Variants in DND1 observed in about 807,000 individuals in gnomAD.
DND1 encodes the protein dead end protein homolog 1.
DND1 carries 6 observed loss-of-function variants against 30.4 expected under a neutral mutation model. The ratio of observed to expected loss-of-function variants is 0.20; its 90% CI spans 0.11 to 0.39. The LOEUF is 0.39. DND1 is among the 10% of genes least tolerant of loss of function. The pLI is 1.00. For synonymous variants in DND1, 178 were observed against 210.4 expected (o/e 0.85, Z 1.33); for missense variants, 358 against 474.9 (o/e 0.75, Z 2.29).
chr5:140,671,882 G>T (rs2149815251), intron 3 of DND1, 132 bp from the exon 4 acceptor site: 2 of 1,030,520 alleles, frequency 1.9e-6, no homozygotes, highest in South Asian at 1.4e-5. Flanking sequence ...CCATGGGTAA[G>T]AAAAGACAAT....
In DND1 at chr5:140,671,491, G is replaced by A. The variant is rs542752474; in HGVS notation, c.864C>T (p.Phe288=). 1.1e-4 allele frequency: 172 copies of A among 1,598,854 alleles called. No homozygotes were observed. The Middle Eastern group carries it at 1.8e-3, about 17-fold the overall frequency. ...LGIGPAGWHR[F]WYQVVIPGHP... is the part of the protein sequence containing the mutation. Reference sequence around the variant, plus strand: ...GCCCAGGAATCACCACCTGGTACCAGAAGCGGTGCCAGCCAGCAGGTCCTA... The same window carrying A: ...GCCCAGGAATCACCACCTGGTACCAAAAGCGGTGCCAGCCAGCAGGTCCTA... Residue 288 remains phenylalanine (F), a synonymous_variant, in exon 4 of 4, where the codon TTC becomes TTT. Transcript: ENST00000542735.
rs1396724886 is a variant in DND1, at chr5:140,673,557, C to T, written c.-15G>A. The T allele has an allele frequency of 5.1e-6, 8 of 1,565,186 alleles. No homozygotes were observed. The highest frequency in any genetic ancestry group is 1.7e-4 in the Middle Eastern group (1 of 6,012). ...TTGGACTGCATGGCTCTCCAGCTGG[C>T]CCCCTCGTACCCTCTTTATAACTTC... On this transcript the variant is annotated 5_prime_UTR_variant, in exon 1 of 4. Coordinates refer to ENST00000542735, the MANE Select transcript of DND1 (RefSeq NM_194249.3).
Position 140,672,456 on chromosome 5 carries a change from G to A in DND1, c.593C>T (p.Ala198Val), listed in dbSNP as rs1377815913. 1.4e-5 allele frequency: 22 copies of A among 1,602,908 alleles called. No homozygotes were observed. Among genetic ancestry groups the A allele is most frequent in the Non-Finnish European group, 1.7e-5 (20 of 1,176,480 alleles). ...SHRAAAMAKK[A>V]LVEGQSHLCG... ...CCGCCCCAGCCTACCTTCCACCAGG[G>A]CCTTTTTGGCCATGGCAGCGGCCCG... is the stretch of plus-strand genomic sequence containing the variant. Residue 198 changes from alanine (A) to valine (V), a missense_variant, in exon 3 of 4, where the codon GCC (alanine) becomes GTC (valine). Physicochemically the swap from Ala to Val is moderately conservative, Grantham distance 64. Coordinates refer to ENST00000542735, the MANE Select transcript of DND1 (RefSeq NM_194249.3).
At chr5:140,672,974 C>A (rs1322315618) in intron 2 of DND1, 68 bp from the exon 3 acceptor site, 1 of 1,494,018 alleles carries the variant, frequency 6.7e-7, no homozygotes, top group Non-Finnish European at 9.0e-7. Flanking sequence ...ACGGACCCAG[C>A]GCGCGGGGGT....
chr5:140,672,794 G>A lies in DND1; in HGVS notation c.255C>T (p.Tyr85=), dbSNP rs1254331480. The A allele has an allele frequency of 7.0e-6, 11 of 1,581,016 alleles. No individual in the cohort carries two copies. The East Asian group carries it at 1.1e-4, about 16-fold the overall frequency. The change falls in exon 3 of 4, where the codon TAC becomes TAT. Residue 85 remains tyrosine, a synonymous_variant. Transcript: ENST00000542735. ...TGAAGGTCATCATCAGGCGGAACTC[G>A]TAGAGGCGGCCCACGCGCTGGAACA... ...IPLFQRVGRL[Y]EFRLMMTFSG...
In DND1 at chr5:140,672,477, G is replaced by A. The variant is rs371133972; in HGVS notation, c.572C>T (p.Ala191Val). 25 of 1,604,646 alleles carry A rather than the reference G, an allele frequency of 1.6e-5. No homozygotes were observed. The highest frequency in any genetic ancestry group is 2.0e-5 in the Non-Finnish European group (24 of 1,177,656). ...CAGGGCCTTTTTGGCCATGGCAGCG[G>A]CCCGGTGCGAGCTGAATTTGAGCAG... ...IALLKFSSHR[A>V]AAMAKKALVE... The change falls in exon 3 of 4, where the codon GCC becomes GTC. Residue 191 changes from alanine to valine, a missense_variant. Around this residue, in one of 3 missense-constraint regions of DND1, gnomAD observed 176 missense variants for 235.2 expected, o/e 0.75. Coordinates refer to ENST00000542735, the MANE Select transcript of DND1 (RefSeq NM_194249.3).
intron 3 of DND1, 47 bp downstream of exon 3, chr5:140,672,398 C>T (rs2530243): frequency 0.44 from 678,079 of 1,535,456 alleles, 150,690 homozygotes; most frequent in East Asian, 0.47. Context: ...TATAAAGTGC[C>T]GGGCAGAACG....
Position 140,672,650 on chromosome 5 carries a change from G to A in DND1, c.399C>T (p.Arg133=). The A allele has an allele frequency of 6.4e-7, 1 of 1,573,052 alleles. No individual in the cohort carries two copies. Among genetic ancestry groups the A allele is most frequent in the African/African-American group, 1.3e-5 (1 of 74,412 alleles). ...CGCTCAGCTCACACTTCTCGGTGCT[G>A]CGGCACACGAGCAGCGGGCAGGACG... ...LRPSCPLLVC[R]STEKCELSVD... Residue 133 remains arginine (R), a synonymous_variant, in exon 3 of 4, where the codon CGC becomes CGT. Coordinates refer to ENST00000542735, the MANE Select transcript of DND1 (RefSeq NM_194249.3).
chr5:140,671,945 A>G, intron 3 of DND1, 195 bp from the exon 4 acceptor site: 3 of 647,238 alleles, frequency 4.6e-6, no homozygotes, highest in East Asian at 2.7e-5. Context: ...CTGCTACCTT[A>G]CAAGTTTCCT....
chr5:140,671,155 A>C lies in DND1; in HGVS notation c.*138T>G. ...CCCAGGTGCCATAGGTCCCTGTCCC[A>C]GCAGGGAGGCTGATGGGCCTGGGCC... On this transcript the variant is annotated 3_prime_UTR_variant, in exon 4 of 4. Transcript: ENST00000542735. 1.8e-6 allele frequency: 2 copies of C among 1,117,444 alleles called. No homozygotes were observed. The highest frequency in any genetic ancestry group is 2.6e-6 in the Non-Finnish European group (2 of 756,120). The allele number at this position is 1,117,444 out of a possible 1,614,324, so 69.2% of individuals were successfully genotyped here.
rs1346821835 is a variant in DND1 at position 140,673,554 on chromosome 5, T to G, written c.-12A>C. 3.2e-6 allele frequency: 5 copies of G among 1,570,298 alleles called. No individual in the cohort carries two copies. Among genetic ancestry groups the G allele is most frequent in the Non-Finnish European group, 3.5e-6 (4 of 1,157,090 alleles). ...CGCTTGGACTGCATGGCTCTCCAGC[T>G]GGCCCCCTCGTACCCTCTTTATAAC... On this transcript the variant is annotated 5_prime_UTR_variant, in exon 1 of 4. Transcript: ENST00000542735.
Position 140,673,515 on chromosome 5 carries a change from T to G in DND1, c.24+4A>C. ...CGCCGGCCCCCAAGTCGCCAGCCGC[T>G]TACCTCACAATCCCGCTTGGACTGC... is the stretch of plus-strand genomic sequence containing the variant. On this transcript the variant is annotated splice_donor_region_variant and intron_variant, in intron 1 of 3. Coordinates refer to ENST00000542735, the MANE Select transcript of DND1 (RefSeq NM_194249.3). 1 of 1,595,836 alleles carries G rather than the reference T, an allele frequency of 6.3e-7. No individual in the cohort carries two copies. Among genetic ancestry groups the G allele is most frequent in the Non-Finnish European group, 8.5e-7 (1 of 1,170,914 alleles).
chr5:140,670,928 C>T lies in DND1; in HGVS notation c.*365G>A, dbSNP rs111716569. On this transcript the variant is annotated 3_prime_UTR_variant, in exon 4 of 4. Transcript: ENST00000542735. ...TGACCCCTTTGGCTCAGCTGCCCTT[C>T]CCCACAAATAAAAACCAACAAAGAG... The T allele has an allele frequency of 3.2e-6, 1 of 308,270 alleles. No individual in the cohort carries two copies. Among genetic ancestry groups the T allele is most frequent in the Non-Finnish European group, 6.2e-6 (1 of 162,204 alleles). The allele number at this position is 308,270 out of a possible 1,614,324, so 19.1% of individuals were successfully genotyped here. A position where few individuals can be genotyped will look rare whatever the true frequency, so the allele number is the denominator to read the frequency against.
Position 140,672,913 on chromosome 5 carries a change from G to A in DND1, c.143-7C>T. ...GGCGGGCTGCCCACCCAGCCTGTGG[G>A]AAGAGGGTATGCAAGGCCACCGTCA... On this transcript the variant is annotated splice_region_variant and splice_polypyrimidine_tract_variant and intron_variant, in intron 2 of 3. Coordinates refer to ENST00000542735, the MANE Select transcript of DND1 (RefSeq NM_194249.3). The A allele has an allele frequency of 1.3e-6, 2 of 1,537,088 alleles. No homozygotes were observed. Among genetic ancestry groups the A allele is most frequent in the Non-Finnish European group, 1.7e-6 (2 of 1,147,100 alleles).
In DND1 at chr5:140,670,833, T is replaced by C. The variant is rs1357489568; in HGVS notation, c.*460A>G. 4.2e-6 allele frequency: 1 copy of C among 238,106 alleles called. No homozygotes were observed. The highest frequency in any genetic ancestry group is 5.8e-5 in the South Asian group (1 of 17,320). The allele number at this position is 238,106 out of a possible 1,614,324, so 14.7% of individuals were successfully genotyped here. A position where few individuals can be genotyped will look rare whatever the true frequency, so the allele number is the denominator to read the frequency against. On this transcript the variant is annotated 3_prime_UTR_variant, in exon 4 of 4. Transcript: ENST00000542735. ...GGGTTTAATATAAATACAACCAGCA[T>C]AGAAAGACCCAAAACTATACAGAAA...
chr5:140,672,191 T>G, intron 3 of DND1: 1 of 583,060 alleles, frequency 1.7e-6, no homozygotes, highest in Non-Finnish European at 3.1e-6. Flanking sequence ...GAGGGTCCTG[T>G]GCCTATTTTG....
chr5:140,673,437 A>G, intron 1 of DND1, 49 bp from the exon 2 acceptor site: 1 of 1,612,654 alleles, frequency 6.2e-7, no homozygotes, highest in Non-Finnish European at 8.5e-7. Context: ...GCGCGCCCCC[A>G]CCTCTCCTGT....
chr5:140,672,662 C>T lies in DND1; in HGVS notation c.387G>A (p.Leu129=), dbSNP rs748861101. 6.3e-7 allele frequency: 1 copy of T among 1,575,132 alleles called. No individual in the cohort carries two copies. Among genetic ancestry groups the T allele is most frequent in the Non-Finnish European group, 8.6e-7 (1 of 1,168,930 alleles). The change falls in exon 3 of 4, where the codon CTG becomes CTA. Residue 129 remains leucine (L), a synonymous_variant. Coordinates refer to ENST00000542735, the MANE Select transcript of DND1 (RefSeq NM_194249.3). ...HNHPLRPSCP[L]LVCRSTEKCE... ...ACTTCTCGGTGCTGCGGCACACGAG[C>T]AGCGGGCAGGACGGCCGCAGCGGAT...
rs758735456 is a variant in DND1 at position 140,672,632 on chromosome 5, C to T, written c.417G>A (p.Glu139=). ...TCGGCGGCAGGCCGTCAACGCTCAG[C>T]TCACACTTCTCGGTGCTGCGGCACA... ...LLVCRSTEKC[E]LSVDGLPPNL... is the part of the protein sequence containing the mutation. The change falls in exon 3 of 4, where the codon GAG becomes GAA. Residue 139 remains glutamate (E), a synonymous_variant. Coordinates refer to ENST00000542735, the MANE Select transcript of DND1 (RefSeq NM_194249.3). The T allele has an allele frequency of 7.8e-5, 123 of 1,569,966 alleles. No homozygotes were observed. The highest frequency in any genetic ancestry group is 9.9e-5 in the Non-Finnish European group (115 of 1,166,150).
Sources: gnomAD v4.1 joint callset for allele counts on GRCh38, gnomAD v4.1.1 for gene constraint, gnomAD v4.1.1 regional missense constraint, MANE v1.5 for transcripts, NCBI Gene and HGNC (gene_info 2026-07-23, HGNC 2026-07-21) for gene names.